Variants in AXIN2 observed in about 807,000 individuals in gnomAD.
AXIN2 encodes axin-2.
Under a neutral mutation model 74.7 loss-of-function variants are expected in AXIN2, and 21 were observed. That is an observed-to-expected ratio of 0.28 (90% CI 0.20 to 0.40). The LOEUF is 0.40. AXIN2 is among the 10% of genes least tolerant of loss of function. The probability of loss-of-function intolerance (pLI) is 1.00; values close to 1 mark genes in which losing one functional copy is unlikely to be tolerated. For synonymous variants in AXIN2, 532 were observed against 454.9 expected, an observed-to-expected ratio of 1.17 and a Z score of -2.16; for missense variants, 1,144 against 1,111.1, an observed-to-expected ratio of 1.03 and a Z score of -0.42.
chr17:65,533,889 G>GA (rs752224003), intron 10 of AXIN2, 23 bp downstream of exon 10: 1 of 1,513,730 alleles, frequency 6.6e-7, no homozygotes. Context: ...ACTGAGAGCA[G>GA]AAAAAAGCCA....
chr17:65,529,813 CT>C lies in AXIN2; in HGVS notation c.*162del. The C allele has an allele frequency of 8.8e-7, 1 of 1,134,626 alleles. No homozygotes were observed. The highest frequency in any genetic ancestry group is 1.4e-5 in the South Asian group (1 of 73,124). The allele number at this position is 1,134,626 out of a possible 1,614,324, so 70.3% of individuals were successfully genotyped here. On this transcript the variant is annotated 3_prime_UTR_variant, in exon 11 of 11. Transcript: ENST00000307078. The stretch of plus-strand genomic sequence containing the variant: ...CAGCTCATGAATCATGAAAATCAAC[CT>C]CCCCCCGCCCTCCCGAAGGCCCACT...
intron 3 of AXIN2, among the ~76,000 whole-genome samples, chr17:65,545,966 C>T (rs889959465): frequency 3.3e-5 from 5 of 152,078 alleles, no homozygotes; most frequent in African/African-American, 4.8e-5. Flanking sequence ...GCAAATGAGA[C>T]GATTGCTTTC....
At chr17:65,556,779 C>G (rs1316405580) in intron 2 of AXIN2, among the ~76,000 whole-genome samples, 1 of 152,150 alleles carries the variant, frequency 6.6e-6, no homozygotes, top group Non-Finnish European at 1.5e-5. Flanking sequence ...AGCTATCAGA[C>G]CGCATCCTGG....
intron 9 of AXIN2, among the ~76,000 whole-genome samples, chr17:65,535,017 A>G (rs552167566): frequency 9.8e-5 from 15 of 152,372 alleles, no homozygotes; most frequent in African/African-American, 3.6e-4. Flanking sequence ...GGTCCAGGGC[A>G]GTGGCCTATT....
chr17:65,558,778 G>C (rs887133122), intron 1 of AXIN2, 42 bp from the exon 2 acceptor site: 1 of 747,542 alleles, frequency 1.3e-6, no homozygotes, highest in South Asian at 1.6e-5. Context: ...GAGAGAAAAG[G>C]GTATTGATCT....
At chr17:65,544,810 C>T (rs2044095052) in intron 3 of AXIN2, among the ~76,000 whole-genome samples, 1 of 152,190 alleles carries the variant, frequency 6.6e-6, no homozygotes, top group South Asian at 2.1e-4. Context: ...ATTAGCTTAG[C>T]CTTTTGACTC....
chr17:65,531,800 C>T (rs551270602), intron 10 of AXIN2, among the ~76,000 whole-genome samples: 1 of 152,130 alleles, frequency 6.6e-6, no homozygotes, highest in Non-Finnish European at 1.5e-5. Context: ...CATCTGGCAC[C>T]AACAGCGTCT....
At chr17:65,548,427 G>A (rs1238332031) in intron 3 of AXIN2, among the ~76,000 whole-genome samples, 1 of 152,210 alleles carries the variant, frequency 6.6e-6, no homozygotes, top group Non-Finnish European at 1.5e-5. Flanking sequence ...GTTTTAGGAA[G>A]CTAAAAGGAA....
chr17:65,555,472 T>C (rs898817983), intron 2 of AXIN2, among the ~76,000 whole-genome samples: 7 of 152,144 alleles, frequency 4.6e-5, no homozygotes, highest in Non-Finnish European at 7.4e-5. Context: ...CAATGGAAAA[T>C]GGGCTAAGCC....
At chr17:65,556,258 C>G (rs528609699) in intron 2 of AXIN2, among the ~76,000 whole-genome samples, 1 of 152,320 alleles carries the variant, frequency 6.6e-6, no homozygotes, top group African/African-American at 2.4e-5. Context: ...AGTCAGGAGG[C>G]CCCTGGAGAA....
In AXIN2 at chr17:65,534,102, C is replaced by G. The variant is rs757309145; in HGVS notation, c.2238-23G>C. On this transcript the variant is annotated intron_variant, in intron 9 of 10. Coordinates refer to ENST00000307078, the MANE Select transcript of AXIN2 (RefSeq NM_004655.4). ...TGACTGAAAATAAGATGGAATGGAA[C>G]AAGTTTAGCATTTTAAAGCAGACAC... 3.1e-6 allele frequency: 5 copies of G among 1,613,976 alleles called. No homozygotes were observed. In the East Asian group the frequency reaches 8.9e-5, roughly 29 times the overall value.
intron 2 of AXIN2, among the ~76,000 whole-genome samples, chr17:65,553,376 T>A (rs1363150592): frequency 6.6e-6 from 1 of 152,130 alleles, no homozygotes; most frequent in African/African-American, 2.4e-5. Context: ...ATTCAAACAC[T>A]CTTTCTTCCA....
In AXIN2 at chr17:65,536,528, G is replaced by C. The variant is rs1405864888; in HGVS notation, c.1933C>G (p.Pro645Ala). 6.2e-7 allele frequency: 1 copy of C among 1,613,838 alleles called. No homozygotes were observed. Residue 645 changes from proline to alanine, a missense_variant, in exon 8 of 11, where the codon CCC (proline) becomes GCC (alanine). This residue lies in a region of AXIN2 where 1,053 missense variants were observed against 973.5 expected (regional missense o/e 1.08). Transcript: ENST00000307078. Reference protein sequence around the residue: ...HSAQSTKKAYPLESARSSPGE... With the variant: ...HSAQSTKKAYALESARSSPGE... Reference sequence around the variant, plus strand: ...GGAGACGAGCGGGCAGACTCCAAGGGGTAGGCCTTTTTTGTGCTTTGGGCA... The same window carrying C: ...GGAGACGAGCGGGCAGACTCCAAGGCGTAGGCCTTTTTTGTGCTTTGGGCA...
chr17:65,538,419 G>A (rs1021217900), intron 4 of AXIN2, 76 bp from the exon 5 acceptor site: 7 of 1,590,076 alleles, frequency 4.4e-6, no homozygotes, highest in African/African-American at 2.7e-5. Context: ...GGAGCTTCCC[G>A]CACCAGGCGC....
In AXIN2 at chr17:65,558,603, C is replaced by T. The variant is rs536919193; in HGVS notation, c.18G>A (p.Leu6=). The T allele has an allele frequency of 6.2e-7, 1 of 1,608,170 alleles. No homozygotes were observed. The highest frequency in any genetic ancestry group is 2.2e-5 in the East Asian group (1 of 44,874). The change falls in exon 2 of 11, where the codon TTG becomes TTA. Residue 6 remains leucine, a synonymous_variant. Transcript: ENST00000307078. ...TGCTGGGGTCCGGGAGGCAAGTCAC[C>T]AACATAGCGCTACTCATGGTGAGGG... MSSAM[L]VTCLPDPSSS...
Position 65,537,763 on chromosome 17 carries a change from G to A in AXIN2, c.1273C>T (p.Leu425=), listed in dbSNP as rs746718165. ...EGAPTQHPLS[L]LPSGSYEEDP... Reference sequence around the variant, plus strand: ...TCCTCGTAGCTGCCGGAGGGCAGTAGGGAGAGGGGGTGCTGCGTGGGCGCC... The same window carrying A: ...TCCTCGTAGCTGCCGGAGGGCAGTAAGGAGAGGGGGTGCTGCGTGGGCGCC... Residue 425 remains leucine (L), a synonymous_variant, in exon 6 of 11, where the codon CTA becomes TTA. Coordinates refer to ENST00000307078, the MANE Select transcript of AXIN2 (RefSeq NM_004655.4). 7.6e-6 allele frequency: 12 copies of A among 1,584,422 alleles called. No homozygotes were observed. Among genetic ancestry groups the A allele is most frequent in the Middle Eastern group, 1.7e-4 (1 of 6,024 alleles).
chr17:65,533,130 C>T (rs558406199), intron 10 of AXIN2, among the ~76,000 whole-genome samples: 1 of 152,326 alleles, frequency 6.6e-6, no homozygotes, highest in South Asian at 2.1e-4. Context: ...TGAACCCTCT[C>T]AAGGGCCCTA....
At chr17:65,534,443 G>A (rs1487177718) in intron 9 of AXIN2, among the ~76,000 whole-genome samples, 2 of 152,382 alleles carry the variant, frequency 1.3e-5, no homozygotes, top group East Asian at 3.9e-4. Context: ...TTATCACAGA[G>A]ATGCCGGGTC....
At chr17:65,535,919 C>T (rs1252372808) in intron 8 of AXIN2, among the ~76,000 whole-genome samples, 198 bp from the exon 9 acceptor site, 2 of 152,192 alleles carry the variant, frequency 1.3e-5, no homozygotes, top group Non-Finnish European at 2.9e-5. Flanking sequence ...CATTCTAAGC[C>T]CCCCTGGGAG....
Sources: gnomAD v4.1 joint callset for allele counts (sites outside exome capture counted in the v4.1 genomes callset) on GRCh38, gnomAD v4.1.1 for gene constraint, gnomAD v4.1.1 regional missense constraint, MANE v1.5 for transcripts, NCBI Gene and HGNC (gene_info 2026-07-23, HGNC 2026-07-21) for gene names.